PAX8: variants seen among roughly 807,000 people sequenced by gnomAD.
The protein encoded by PAX8 is paired box protein Pax-8.
Under a neutral mutation model 52.4 loss-of-function variants are expected in PAX8, and 15 were observed. The ratio of observed to expected loss-of-function variants is 0.29; its 90% CI spans 0.19 to 0.44. The LOEUF (loss-of-function observed/expected upper bound fraction) is 0.44, where lower values mean the gene tolerates loss of function less well. Among genes scored for constraint, PAX8 ranks in the 20% least tolerant of loss-of-function variants. The pLI is 1.00. For missense variants in PAX8, 554 were observed against 602.5 expected (o/e 0.92, Z 0.84); for synonymous variants, 284 against 249.7 (o/e 1.14, Z -1.29).
At chr2:113,230,871 A>G (rs1276925593) in intron 9 of PAX8, among the ~76,000 whole-genome samples, 5 of 152,168 alleles carry the variant, frequency 3.3e-5, no homozygotes, top group Admixed American at 2.6e-4. Flanking sequence ...TATGAATTCC[A>G]TCTCCTCTAC....
At chr2:113,249,893 T>G (rs953502395) in intron 2 of PAX8, among the ~76,000 whole-genome samples, 4 of 151,278 alleles carry the variant, frequency 2.6e-5, no homozygotes, top group South Asian at 2.1e-4. Context: ...AGAAAGTGGG[T>G]TTTTTTTTCA....
rs182443774 is a variant in PAX8, at chr2:113,247,188, C to T, written c.26-269G>A. Among the ~76,000 whole-genome samples, 254 of 152,356 alleles carry T rather than the reference C, an allele frequency of 1.7e-3. 1 individual carries two copies. Among genetic ancestry groups the T allele is most frequent in the African/African-American group, 5.9e-3 (247 of 41,588 alleles). On this transcript the variant is annotated intron_variant, in intron 2 of 11. Transcript: ENST00000429538. Reference sequence around the variant, plus strand: ...GGGGACTCTTCAGGCAGACTCAGCCCTTCACTCCAAATCACAATCCCCTAT... The same window carrying T: ...GGGGACTCTTCAGGCAGACTCAGCCTTTCACTCCAAATCACAATCCCCTAT...
At position 113,244,492 on chromosome 2, in the gene PAX8, T is replaced by A. The variant is rs967278406; in HGVS notation, c.324A>T (p.Arg108=). 1.2e-5 allele frequency: 19 copies of A among 1,614,080 alleles called. No homozygotes were observed. In the African/African-American group the frequency reaches 2.1e-4, roughly 18 times the overall value. The change falls in exon 4 of 12, where the codon CGA becomes CGT. Residue 108 remains arginine (R), a synonymous_variant. Transcript: ENST00000429538. The stretch of plus-strand genomic sequence containing the variant: ...AGACGCCCTCAGCCAGGAGCCGGTC[T>A]CGGATCTCCCAGGCAAACATGGTAG... ...QNPTMFAWEI[R]DRLLAEGVCD...
At chr2:113,228,221 G>A (rs1689696765) in intron 9 of PAX8, among the ~76,000 whole-genome samples, 1 of 152,062 alleles carries the variant, frequency 6.6e-6, no homozygotes, top group Non-Finnish European at 1.5e-5. Flanking sequence ...TTGCTCCTGT[G>A]TCCTGCAGGC....
rs544191637 is a variant in PAX8, at chr2:113,277,432, C to T, written c.25+938G>A. 3.3e-5 allele frequency among the ~76,000 whole-genome samples: 5 copies of T among 152,324 alleles called. No individual in the cohort carries two copies. In the South Asian group the frequency reaches 1.0e-3, roughly 32 times the overall value. ...CAAATGTCCCGTTTGCAGAGCGGGA[C>T]ATCATATTCGCGGAGAATTCATTCT... On this transcript the variant is annotated intron_variant, in intron 2 of 11. Coordinates refer to ENST00000429538, the MANE Select transcript of PAX8 (RefSeq NM_003466.4).
rs1691129255 is a variant in PAX8 at position 113,244,293 on chromosome 2, C to T, written c.389+134G>A. The T allele has an allele frequency of 7.8e-6, 6 of 771,434 alleles. No individual in the cohort carries two copies. In the East Asian group the frequency reaches 1.5e-4, roughly 19 times the overall value. The allele number at this position is 771,434 out of a possible 1,614,324, so 47.8% of individuals were successfully genotyped here. On this transcript the variant is annotated intron_variant, in intron 4 of 11. Coordinates refer to ENST00000429538, the MANE Select transcript of PAX8 (RefSeq NM_003466.4). ...ATATCTGCCTGGAGCCAGGTGTGCT[C>T]CCTGCCTGATTGTTCAGCATCAGGC...
chr2:113,235,784 T>C lies in PAX8; in HGVS notation c.899-202A>G, dbSNP rs1309867914. ...GAGAAGCTAGACCTCCCTGCTGCGC[T>C]TCTGCAGCGAAAATGGAGAGACCCG... On this transcript the variant is annotated intron_variant, in intron 8 of 11. Transcript: ENST00000429538. 7.1e-6 allele frequency: 4 copies of C among 561,252 alleles called. No homozygotes were observed. The East Asian group carries it at 1.2e-4, about 17-fold the overall frequency. The allele number at this position is 561,252 out of a possible 1,614,324, so 34.8% of individuals were successfully genotyped here. A position where few individuals can be genotyped will look rare whatever the true frequency, so the allele number is the denominator to read the frequency against.
chr2:113,241,800 G>T lies in PAX8; in HGVS notation c.602-74C>A. On this transcript the variant is annotated intron_variant, in intron 6 of 11. Transcript: ENST00000429538. ...ATGCTCTAGGCCAAAGTAGAGGACT[G>T]ACTCCAAGCTGACTCACTGTGGAGG... 1.9e-6 allele frequency: 3 copies of T among 1,558,542 alleles called. No homozygotes were observed. In the South Asian group the frequency reaches 3.3e-5, roughly 17 times the overall value.
In PAX8 at chr2:113,222,224, G is replaced by C. The variant is rs566199997; in HGVS notation, c.1190-2046C>G. Among the ~76,000 whole-genome samples the C allele has an allele frequency of 1.3e-5, 2 of 152,150 alleles. 1 individual carries two copies. Among genetic ancestry groups the C allele is most frequent in the African/African-American group, 4.8e-5 (2 of 41,428 alleles). On this transcript the variant is annotated intron_variant, in intron 10 of 11. Transcript: ENST00000429538. ...AACTCAGGTCTCCCGGGTTTCAGCCGATTCTCTACTGGCCACACAGCAAGG... is the reference window on the plus strand; with the variant it reads ...AACTCAGGTCTCCCGGGTTTCAGCCCATTCTCTACTGGCCACACAGCAAGG...
At chr2:113,256,630 A>G (rs6722731) in intron 2 of PAX8, among the ~76,000 whole-genome samples, 19,072 of 139,810 alleles carry the variant, frequency 0.14, 1,409 homozygotes, top group South Asian at 0.18. Context: ...ATATATATAT[A>G]TGTGTGTGTG....
At chr2:113,219,602 G>A (rs1183119642) in intron 11 of PAX8, among the ~76,000 whole-genome samples, 1 of 152,196 alleles carries the variant, frequency 6.6e-6, no homozygotes. Context: ...TTAAGGGTTT[G>A]GTGCTGAATC....
chr2:113,241,765 C>T (rs1377177864), intron 6 of PAX8, 39 bp from the exon 7 acceptor site: 1 of 1,606,866 alleles, frequency 6.2e-7, no homozygotes, highest in Non-Finnish European at 8.5e-7. Context: ...TTTAGGGGAC[C>T]TATCTATTCA....
At chr2:113,225,728 A>C in intron 10 of PAX8, 2 of 180,722 alleles carry the variant, frequency 1.1e-5, no homozygotes, top group Non-Finnish European at 2.1e-5. Context: ...CCCTCAGGGA[A>C]TGATTCATAA....
chr2:113,235,557 C>G lies in PAX8; in HGVS notation c.924G>C (p.Lys308Asn). Residue 308 changes from lysine (K) to asparagine (N), a missense_variant, in exon 9 of 12, where the codon AAG (lysine) becomes AAC (asparagine). This residue lies in a region of PAX8 where 445 missense variants were observed against 409.9 expected (regional missense o/e 1.09). Coordinates refer to ENST00000429538, the MANE Select transcript of PAX8 (RefSeq NM_003466.4). ...VADPHSPFAI[K>N]QETPEVSSSS... ...AACTGGACACCTCGGGGGTTTCCTG[C>G]TTTATGGCGAAGGGTGAGTGAGGAT... The G allele has an allele frequency of 6.2e-7, 1 of 1,613,088 alleles. No individual in the cohort carries two copies. The highest frequency in any genetic ancestry group is 8.5e-7 in the Non-Finnish European group (1 of 1,179,350).
At chr2:113,233,034 C>CTCCCCTCCCCTCCCTTCCCT (rs1689992014) in intron 9 of PAX8, among the ~76,000 whole-genome samples, 4 of 140,290 alleles carry the variant, frequency 2.9e-5, no homozygotes, top group African/African-American at 1.1e-4. Context: ...CTCCCCTCCC[C>CTCCCCTCCCCTCCCTTCCCT]TCCCCTCCCC....
intron 7 of PAX8, chr2:113,237,736 C>T (rs1406730502): frequency 6.6e-6 from 1 of 152,140 alleles, no homozygotes; most frequent in Non-Finnish European, 1.5e-5. Flanking sequence ...GCAGATAGCG[C>T]AGAAAAAAGA....
chr2:113,261,332 C>T (rs961728316), intron 2 of PAX8, among the ~76,000 whole-genome samples: 1 of 152,130 alleles, frequency 6.6e-6, no homozygotes, highest in African/African-American at 2.4e-5. Context: ...AACTCTGGGA[C>T]TGCCCTCAGC....
chr2:113,217,720 T>TA lies in PAX8; in HGVS notation c.*812_*813insT. ...CCTGCGATTCTGCCTTGTTCTGCCC[T>TA]GGGTGAAGCCGCACACCACACCTCA... On this transcript the variant is annotated 3_prime_UTR_variant, in exon 12 of 12. Transcript: ENST00000429538. The TA allele has an allele frequency of 4.3e-6, 1 of 232,562 alleles. No homozygotes were observed. The highest frequency in any genetic ancestry group is 8.5e-6 in the Non-Finnish European group (1 of 117,586). 14.4% of individuals were successfully genotyped at this position (232,562 alleles called of 1,614,324 possible).
intron 2 of PAX8, among the ~76,000 whole-genome samples, chr2:113,260,898 GTA>G (rs200769903): frequency 5.9e-5 from 9 of 151,768 alleles, no homozygotes; most frequent in African/African-American, 2.2e-4. Flanking sequence ...GTGTGTGTGT[GTA>G]TGTGTGTGAC....
Sources: gnomAD v4.1 joint callset for allele counts (sites outside exome capture counted in the v4.1 genomes callset) on GRCh38, gnomAD v4.1.1 for gene constraint, gnomAD v4.1.1 regional missense constraint, MANE v1.5 for transcripts, NCBI Gene and HGNC (gene_info 2026-07-23, HGNC 2026-07-21) for gene names.